ROR1: variants seen among roughly 807,000 people sequenced by gnomAD.
The protein encoded by ROR1 is inactive tyrosine-protein kinase transmembrane receptor ROR1.
A neutral mutation model predicts 78.8 loss-of-function variants in ROR1; 19 were observed. That is an observed-to-expected ratio of 0.24 (90% CI 0.17 to 0.35). ROR1 has a LOEUF of 0.35. Ranked by LOEUF, ROR1 falls within the 10% of genes least tolerant of loss-of-function variation. The pLI is 1.00. For synonymous variants in ROR1, 386 were observed against 433.6 expected (o/e 0.89, Z 1.36); for missense variants, 917 against 1,177.8 (o/e 0.78, Z 3.24).
chr1:64,178,010 C>A lies in ROR1; in HGVS notation c.1969C>A (p.Arg657Ser). 6.2e-7 allele frequency: 1 copy of A among 1,614,166 alleles called. No homozygotes were observed. Among genetic ancestry groups the A allele is most frequent in the Non-Finnish European group, 8.5e-7 (1 of 1,180,036 alleles). ...CCAGAGTAAGTCCTTGCTGCCCATT[C>A]GCTGGATGCCCCCTGAAGCCATCAT... ...RVQSKSLLPI[R>S]WMPPEAIMYG... Residue 657 changes from arginine (R) to serine (S), a missense_variant, in exon 9 of 9, where the codon CGC becomes AGC. Transcript: ENST00000371079. The surrounding 1 kb of genome is among the most constrained non-coding windows in gnomAD (Gnocchi z 4.3).
chr1:64,018,391 C>T (rs1385113868), intron 2 of ROR1, among the ~76,000 whole-genome samples: 2 of 152,144 alleles, frequency 1.3e-5, no homozygotes, highest in Non-Finnish European at 2.9e-5. Context: ...ATGAGAACAC[C>T]CTCCCCCAAC....
intron 1 of ROR1, among the ~76,000 whole-genome samples, chr1:63,807,522 G>T (rs1644837169): frequency 6.6e-6 from 1 of 152,222 alleles, no homozygotes; most frequent in African/African-American, 2.4e-5. Flanking sequence ...GCTGACATGA[G>T]CCAAGTAATG....
chr1:64,002,353 C>T lies in ROR1; in HGVS notation c.92-6952C>T, dbSNP rs146390969. On this transcript the variant is annotated intron_variant, in intron 1 of 8. Transcript: ENST00000371079. ...TTCACCATGTTGGCCAGGATGATCT[C>T]GATCTCCTGACCTTGTGATCCTAGC... Among the ~76,000 whole-genome samples the T allele has an allele frequency of 5.4e-3, 827 of 152,152 alleles. 8 individuals carry two copies. The highest frequency in any genetic ancestry group is 0.019 in the African/African-American group (795 of 41,482).
In ROR1 at chr1:64,033,707, T is replaced by C. The variant is rs1364158481; in HGVS notation, c.164-15984T>C. ...ACTGTGCACCAGGTACTGTTCTAAG[T>C]ACCTTAAGAACACTAACTCATTTAT... is the stretch of plus-strand genomic sequence containing the variant. On this transcript the variant is annotated intron_variant, in intron 2 of 8. Coordinates refer to ENST00000371079, the MANE Select transcript of ROR1 (RefSeq NM_005012.4). Among the ~76,000 whole-genome samples the C allele has an allele frequency of 2.0e-5, 3 of 152,350 alleles. No homozygotes were observed. The East Asian group carries it at 5.8e-4, about 29-fold the overall frequency.
Position 63,966,558 on chromosome 1 carries a change from G to A in ROR1, c.92-42747G>A, listed in dbSNP as rs185596843. On this transcript the variant is annotated intron_variant, in intron 1 of 8. Coordinates refer to ENST00000371079, the MANE Select transcript of ROR1 (RefSeq NM_005012.4). Reference sequence around the variant, plus strand: ...GTTTTTACAACAGAAGTTAAGGAAAGGCTGAATGGGTCTCTTATGGAATTA... The same window carrying A: ...GTTTTTACAACAGAAGTTAAGGAAAAGCTGAATGGGTCTCTTATGGAATTA... Among the ~76,000 whole-genome samples, 324 of 152,326 alleles carry A rather than the reference G, an allele frequency of 2.1e-3. 1 individual carries two copies. The highest frequency in any genetic ancestry group is 2.6e-3 in the Non-Finnish European group (179 of 68,034).
chr1:63,836,919 T>C (rs1283916762), intron 1 of ROR1, among the ~76,000 whole-genome samples: 2 of 152,220 alleles, frequency 1.3e-5, no homozygotes, highest in East Asian at 1.9e-4. Flanking sequence ...GTACCTCTTA[T>C]AGCGATGAAG....
intron 1 of ROR1, among the ~76,000 whole-genome samples, chr1:63,874,437 G>A (rs1007872132): frequency 6.6e-6 from 1 of 152,052 alleles, no homozygotes; most frequent in African/African-American, 2.4e-5. Flanking sequence ...ATGAATCATA[G>A]CATCTGCTTA....
chr1:64,177,642 A>G lies in ROR1; in HGVS notation c.1601A>G (p.Asn534Ser), dbSNP rs769312466. Residue 534 changes from asparagine to serine, a missense_variant, in exon 9 of 9, where the codon AAT (asparagine) becomes AGT (serine). Physicochemically the swap from Asn to Ser is conservative, Grantham distance 46. Around this residue, in one of 3 missense-constraint regions of ROR1, gnomAD observed 835 missense variants for 1,069.8 expected, o/e 0.78. Transcript: ENST00000371079. Reference protein sequence around the residue: ...ASLMAELHHPNIVCLLGAVTQ... With the variant: ...ASLMAELHHPSIVCLLGAVTQ... Reference sequence around the variant, plus strand: ...CTAATGGCAGAACTGCACCACCCCAATATTGTCTGCCTTCTAGGTGCCGTC... The same window carrying G: ...CTAATGGCAGAACTGCACCACCCCAGTATTGTCTGCCTTCTAGGTGCCGTC... 5.0e-6 allele frequency: 8 copies of G among 1,614,028 alleles called. No homozygotes were observed. Among genetic ancestry groups the G allele is most frequent in the South Asian group, 1.1e-5 (1 of 91,084 alleles).
chr1:63,861,034 T>C (rs1645178691), intron 1 of ROR1, among the ~76,000 whole-genome samples: 1 of 152,136 alleles, frequency 6.6e-6, no homozygotes, highest in Admixed American at 6.5e-5. Flanking sequence ...CTGTTTTGCC[T>C]GATGGAGTTT....
intron 1 of ROR1, among the ~76,000 whole-genome samples, chr1:63,966,930 C>T (rs947861407): frequency 9.2e-5 from 14 of 152,138 alleles, no homozygotes; most frequent in South Asian, 2.1e-4. Context: ...TTTCAATGAC[C>T]CTTATTTCCT....
At chr1:64,062,844 C>A (rs1646927900) in intron 4 of ROR1, among the ~76,000 whole-genome samples, 1 of 152,132 alleles carries the variant, frequency 6.6e-6, no homozygotes. Flanking sequence ...GGTGGCTAAG[C>A]ATAATGATCA....
chr1:64,041,639 C>G (rs1429686531), intron 2 of ROR1, among the ~76,000 whole-genome samples: 1 of 152,110 alleles, frequency 6.6e-6, no homozygotes, highest in African/African-American at 2.4e-5. Flanking sequence ...TGTTCTCTCC[C>G]CAAAAAGGAG....
Position 63,885,658 on chromosome 1 carries a change from C to T in ROR1, c.91+111150C>T, listed in dbSNP as rs114481707. Among the ~76,000 whole-genome samples, 419 of 152,266 alleles carry T rather than the reference C, an allele frequency of 2.8e-3. 2 individuals are homozygous for T. Among genetic ancestry groups the T allele is most frequent in the African/African-American group, 9.8e-3 (406 of 41,564 alleles). On this transcript the variant is annotated intron_variant, in intron 1 of 8. Transcript: ENST00000371079. Reference sequence around the variant, plus strand: ...TCTGGTTCCAATTTTCTCTCCTCACCTCTTTAGCATCTCTTACCTAATTAT... The same window carrying T: ...TCTGGTTCCAATTTTCTCTCCTCACTTCTTTAGCATCTCTTACCTAATTAT...
intron 8 of ROR1, among the ~76,000 whole-genome samples, chr1:64,175,352 A>G (rs1018020293): frequency 3.9e-5 from 6 of 152,132 alleles, no homozygotes; most frequent in South Asian, 4.1e-4. Context: ...ATACCAGTAC[A>G]TACGAAACGT....
rs1251841669 is a variant in ROR1 at position 63,894,001 on chromosome 1, A to G, written c.92-115304A>G. ...TTTCACTTCAATCTTTTACCTTATC[A>G]CTTTATAGTTTATTGGCAAATCCAA... On this transcript the variant is annotated intron_variant, in intron 1 of 8. Transcript: ENST00000371079. Among the ~76,000 whole-genome samples the G allele has an allele frequency of 1.3e-5, 2 of 151,860 alleles. 1 individual carries two copies. Among genetic ancestry groups the G allele is most frequent in the East Asian group, 3.9e-4 (2 of 5,184 alleles).
intron 1 of ROR1, among the ~76,000 whole-genome samples, chr1:63,968,730 CT>C (rs2100494278): frequency 6.6e-6 from 1 of 152,274 alleles, no homozygotes; most frequent in East Asian, 1.9e-4. Context: ...ATCTGTTGGA[CT>C]GTCTGGCTGG....
intron 1 of ROR1, among the ~76,000 whole-genome samples, chr1:63,945,503 G>A (rs1295967741): frequency 1.3e-5 from 2 of 152,106 alleles, no homozygotes; most frequent in East Asian, 3.9e-4. Flanking sequence ...ATGAAGAGAT[G>A]GCCTATTTCT....
intron 1 of ROR1, among the ~76,000 whole-genome samples, chr1:63,949,194 A>G (rs2100467415): frequency 6.6e-6 from 1 of 152,282 alleles, no homozygotes; most frequent in South Asian, 2.1e-4. Flanking sequence ...AGTCGGGGAC[A>G]TGGAAAAGAA....
intron 4 of ROR1, among the ~76,000 whole-genome samples, chr1:64,118,298 C>T (rs1053756555): frequency 6.6e-6 from 1 of 152,134 alleles, no homozygotes; most frequent in Non-Finnish European, 1.5e-5. Context: ...TAAGCCTGGC[C>T]TTTCTGTATT....
Sources: allele counts gnomAD v4.1 joint callset (sites outside exome capture counted in the v4.1 genomes callset), GRCh38; gene constraint gnomAD v4.1.1; regional missense constraint gnomAD v4.1.1; non-coding constraint Gnocchi (gnomAD v3.1); transcripts MANE v1.5; gene names NCBI Gene and HGNC (gene_info 2026-07-23, HGNC 2026-07-21).